SLC14A1: variants seen among roughly 807,000 people sequenced by gnomAD.
The protein encoded by SLC14A1 is urea transporter 1.
Under a neutral mutation model 39.6 loss-of-function variants are expected in SLC14A1, and 36 were observed. The ratio of observed to expected loss-of-function variants is 0.91; its 90% confidence interval spans 0.70 to 1.20. SLC14A1 has a LOEUF of 1.20. Among genes scored for constraint, SLC14A1 ranks in the 50% most tolerant of loss-of-function variants. The pLI is 0.00. For synonymous variants in SLC14A1, 164 were observed against 173.6 expected (o/e 0.94, Z 0.43); for missense variants, 469 against 478.7 (o/e 0.98, Z 0.19).
In SLC14A1 at chr18:45,739,141, TTTTCTTAAA is replaced by T; in HGVS notation, c.664-15_664-7del. The T allele has an allele frequency of 6.2e-7, 1 of 1,614,112 alleles. No individual in the cohort carries two copies. Among genetic ancestry groups the T allele is most frequent in the Non-Finnish European group, 8.5e-7 (1 of 1,179,990 alleles). On this transcript the variant is annotated splice_polypyrimidine_tract_variant and intron_variant, in intron 6 of 9. Transcript: ENST00000321925. ...TGTTCAGTTGTTTTGGTAGCCTCAT[TTTTCTTAAA>T]TTTCTTTTGCAGTTGTTGAAATCTA...
At chr18:45,735,535 G>T (rs1052433351) in intron 5 of SLC14A1, among the ~76,000 whole-genome samples, 1 of 152,042 alleles carries the variant, frequency 6.6e-6, no homozygotes, top group Admixed American at 6.5e-5. Flanking sequence ...TGGAAACAAA[G>T]ATTTCCTTCT....
chr18:45,730,646 T>C (rs1213210241), intron 3 of SLC14A1, among the ~76,000 whole-genome samples, 175 bp downstream of exon 3: 1 of 152,186 alleles, frequency 6.6e-6, no homozygotes, highest in Non-Finnish European at 1.5e-5. Flanking sequence ...TTTTTTCTTA[T>C]GGAGACAGTA....
intron 9 of SLC14A1, among the ~76,000 whole-genome samples, chr18:45,749,385 A>C (rs2047647449): frequency 6.6e-6 from 1 of 152,154 alleles, no homozygotes; most frequent in Non-Finnish European, 1.5e-5. Context: ...ACCAGGCAGA[A>C]GTCAAGGTCA....
intron 6 of SLC14A1, 107 bp from the exon 7 acceptor site, chr18:45,739,056 G>A (rs2047279493): frequency 8.7e-7 from 1 of 1,145,712 alleles, no homozygotes; most frequent in Non-Finnish European, 1.3e-6. Flanking sequence ...TCTTGAAAGA[G>A]GTAAGGTATG....
intron 8 of SLC14A1, among the ~76,000 whole-genome samples, chr18:45,743,033 T>C (rs1242749624): frequency 6.6e-6 from 1 of 152,246 alleles, no homozygotes; most frequent in African/African-American, 2.4e-5. Context: ...GTCGAAGCTC[T>C]TGACATGTTG....
At chr18:45,728,231 AG>A (rs1177978420) in intron 2 of SLC14A1, among the ~76,000 whole-genome samples, 2 of 152,184 alleles carry the variant, frequency 1.3e-5, no homozygotes, top group African/African-American at 2.4e-5. Context: ...TTCTATTATC[AG>A]GTTTCGAATC....
intron 6 of SLC14A1, among the ~76,000 whole-genome samples, chr18:45,738,084 G>T (rs1049049738): frequency 1.3e-4 from 20 of 152,220 alleles, no homozygotes; most frequent in Admixed American, 1.3e-3. Flanking sequence ...AGCATGGGCT[G>T]GAAGAATTTA....
intron 6 of SLC14A1, 48 bp downstream of exon 6, chr18:45,736,696 C>T (rs1241526874): frequency 1.3e-6 from 2 of 1,527,954 alleles, no homozygotes; most frequent in Admixed American, 3.4e-5. Context: ...GCAAGATACG[C>T]AATGGCCTCC....
In SLC14A1 at chr18:45,751,091, G is replaced by A. The variant is rs1036945313; in HGVS notation, c.*1140G>A. Reference sequence around the variant, plus strand: ...GCGGTGGCTCACGCCTGTAATCCCAGCACTTTGGGGAGCCCAGGCGGGCAG... The same window carrying A: ...GCGGTGGCTCACGCCTGTAATCCCAACACTTTGGGGAGCCCAGGCGGGCAG... On this transcript the variant is annotated 3_prime_UTR_variant, in exon 10 of 10. Transcript: ENST00000321925. The A allele has an allele frequency of 1.3e-5, 12 of 930,838 alleles. No homozygotes were observed. The African/African-American group carries it at 1.6e-4, about 12-fold the overall frequency. 57.7% of individuals were successfully genotyped at this position (930,838 alleles called of 1,614,324 possible).
rs12605072 is a variant in SLC14A1 at position 45,740,512 on chromosome 18, C to T, written c.946+850C>T. On this transcript the variant is annotated intron_variant, in intron 8 of 9. Transcript: ENST00000321925. ...CTTCAGCCTGGGCAACAGAGCAAGACTTCATCTCAAAAAAAAAAAAAAAAG... is the reference window on the plus strand; with the variant it reads ...CTTCAGCCTGGGCAACAGAGCAAGATTTCATCTCAAAAAAAAAAAAAAAAG... 5.9e-5 allele frequency among the ~76,000 whole-genome samples: 6 copies of T among 101,888 alleles called. No individual in the cohort carries two copies. The East Asian group carries it at 1.7e-3, about 30-fold the overall frequency. The allele number at this position is 101,888 out of a possible 152,430, so 66.8% of individuals were successfully genotyped here.
intron 3 of SLC14A1, 55 bp from the exon 4 acceptor site, chr18:45,730,960 T>A (rs2047011751): frequency 6.6e-7 from 1 of 1,518,502 alleles, no homozygotes; most frequent in Admixed American, 1.7e-5. Context: ...GGGCCTGTGG[T>A]TGAAGAGTAT....
intron 8 of SLC14A1, among the ~76,000 whole-genome samples, chr18:45,745,063 T>C (rs2047506378): frequency 6.6e-6 from 1 of 152,172 alleles, no homozygotes; most frequent in African/African-American, 2.4e-5. Context: ...GCTAACACGG[T>C]GAAACCCCAT....
intron 5 of SLC14A1, among the ~76,000 whole-genome samples, chr18:45,735,872 C>T (rs536504727): frequency 4.6e-5 from 7 of 152,284 alleles, no homozygotes; most frequent in Admixed American, 1.3e-4. Context: ...GCAGCCCAGC[C>T]CCACAGTTTA....
intron 3 of SLC14A1, 147 bp from the exon 4 acceptor site, chr18:45,730,868 C>G: frequency 1.3e-6 from 1 of 757,744 alleles, no homozygotes; most frequent in East Asian, 2.6e-5. Context: ...GCCACTAATG[C>G]AACAATGGGT....
intron 5 of SLC14A1, 147 bp from the exon 6 acceptor site, chr18:45,736,309 C>T: frequency 1.4e-6 from 1 of 731,124 alleles, no homozygotes; most frequent in Admixed American, 2.1e-5. Flanking sequence ...TAGGATTTAT[C>T]CCAAGTTTTC....
rs368871785 is a variant in SLC14A1 at position 45,731,055 on chromosome 18, G to A, written c.192G>A (p.Arg64=). 1.1e-5 allele frequency: 17 copies of A among 1,614,088 alleles called. No individual in the cohort carries two copies. The highest frequency in any genetic ancestry group is 1.4e-5 in the Non-Finnish European group (17 of 1,179,998). Residue 64 remains arginine (R), a synonymous_variant, in exon 4 of 10, where the codon CGG becomes CGA. Coordinates refer to ENST00000321925, the MANE Select transcript of SLC14A1 (RefSeq NM_015865.7). ...VVLQFIDWIL[R]GISQVVFVNN... is the part of the protein sequence containing the mutation. ...TCCAGTTCATTGACTGGATTCTCCG[G>A]GGCATATCCCAAGTGGTGTTCGTCA...
intron 8 of SLC14A1, 63 bp downstream of exon 8, chr18:45,739,725 G>C: frequency 6.2e-7 from 1 of 1,610,880 alleles, no homozygotes; most frequent in Non-Finnish European, 8.5e-7. Flanking sequence ...TCAAGGATAA[G>C]CAGTAAAAAC....
intron 8 of SLC14A1, among the ~76,000 whole-genome samples, chr18:45,740,867 G>T (rs1203447719): frequency 6.6e-6 from 1 of 152,158 alleles, no homozygotes; most frequent in Non-Finnish European, 1.5e-5. Context: ...TTCTCAGGGG[G>T]TGCTGATGCT....
At chr18:45,742,648 G>A (rs1022054874) in intron 8 of SLC14A1, among the ~76,000 whole-genome samples, 2 of 147,352 alleles carry the variant, frequency 1.4e-5, no homozygotes, top group Non-Finnish European at 3.0e-5. Flanking sequence ...ATGAGCCACC[G>A]CACCTGGCGG....
Sources: gnomAD v4.1 joint callset for allele counts (sites outside exome capture counted in the v4.1 genomes callset) on GRCh38, gnomAD v4.1.1 for gene constraint, MANE v1.5 for transcripts, NCBI Gene and HGNC (gene_info 2026-07-23, HGNC 2026-07-21) for gene names.